The following CDH13 variants were observed in gnomAD, a reference collection of about 807,000 sequenced individuals.
The protein encoded by CDH13 is cadherin 13.
In CDH13, 24 loss-of-function variants were observed where a neutral mutation model predicts 63.8. The observed-to-expected ratio is 0.38, with a 90% CI of 0.27 to 0.53. The LOEUF (loss-of-function observed/expected upper bound fraction) is 0.53, where lower values mean the gene tolerates loss of function less well. Among genes scored for constraint, CDH13 ranks in the 20% least tolerant of loss-of-function variants. CDH13 has a pLI of 0.85. For synonymous variants in CDH13, 503 were observed against 355.3 expected (o/e 1.42, Z -4.67); for missense variants, 1,049 against 903.1 (o/e 1.16, Z -2.07).
intron 11 of CDH13, among the ~76,000 whole-genome samples, chr16:83,769,851 A>T (rs770809275): frequency 3.9e-5 from 6 of 152,102 alleles, no homozygotes; most frequent in Non-Finnish European, 7.4e-5. Flanking sequence ...TTGCATTTCA[A>T]AAAGGGCTAG....
chr16:83,144,019 C>T (rs1444789663), intron 4 of CDH13, among the ~76,000 whole-genome samples: 2 of 151,968 alleles, frequency 1.3e-5, no homozygotes, highest in Non-Finnish European at 2.9e-5. Flanking sequence ...CACTGAAAAC[C>T]CCTGGGCCCT....
chr16:83,762,601 C>T (rs1914064955), intron 11 of CDH13, among the ~76,000 whole-genome samples: 1 of 152,140 alleles, frequency 6.6e-6, no homozygotes, highest in African/African-American at 2.4e-5. Context: ...AAAACTGTCA[C>T]AGGCGATTTC....
At position 83,780,085 on chromosome 16, in the gene CDH13, G is replaced by C; in HGVS notation, c.1799G>C (p.Ser600Thr). The change falls in exon 12 of 14, where the codon AGT (serine) becomes ACT (threonine). Residue 600 changes from serine (S) to threonine (T), a missense_variant. Coordinates refer to ENST00000567109, the MANE Select transcript of CDH13 (RefSeq NM_001257.5). ...GTCTGTGATGATGCCAAAAACCTCA[G>C]TGTAGTCATTTTGGGAGCATCAGAT... ...AEVCDDAKNL[S>T]VVILGASDKD... 6.2e-7 allele frequency: 1 copy of C among 1,613,834 alleles called. No homozygotes were observed. The highest frequency in any genetic ancestry group is 8.5e-7 in the Non-Finnish European group (1 of 1,179,808).
Position 83,110,233 on chromosome 16 carries a change from G to A in CDH13, c.367-15152G>A, listed in dbSNP as rs545206310. Among the ~76,000 whole-genome samples the A allele has an allele frequency of 2.6e-5, 4 of 152,306 alleles. No individual in the cohort carries two copies. The South Asian group carries it at 8.3e-4, about 32-fold the overall frequency. Reference sequence around the variant, plus strand: ...CAGAAACTTGCAGATCTCACGTTCTGATCACTCCATCAACTGCTGCTTCTT... The same window carrying A: ...CAGAAACTTGCAGATCTCACGTTCTAATCACTCCATCAACTGCTGCTTCTT... On this transcript the variant is annotated intron_variant, in intron 3 of 13. Transcript: ENST00000567109.
chr16:82,853,296 A>C (rs2039567891), intron 1 of CDH13, among the ~76,000 whole-genome samples: 1 of 152,192 alleles, frequency 6.6e-6, no homozygotes, highest in African/African-American at 2.4e-5. Context: ...CAGTCTATTC[A>C]CTGAACAGTT....
chr16:83,287,366 C>T (rs1027248596), intron 5 of CDH13, among the ~76,000 whole-genome samples: 2 of 152,298 alleles, frequency 1.3e-5, no homozygotes, highest in South Asian at 4.2e-4. Context: ...AACCTGGCTG[C>T]CCAGCAGGAG....
At chr16:83,652,050 G>A (rs980045820) in intron 8 of CDH13, among the ~76,000 whole-genome samples, 3 of 152,274 alleles carry the variant, frequency 2.0e-5, no homozygotes, top group East Asian at 1.9e-4. Context: ...CCAAGGGAAC[G>A]ATTCTCATCC....
At chr16:83,784,177 C>T (rs569109644) in intron 13 of CDH13, among the ~76,000 whole-genome samples, 3 of 152,204 alleles carry the variant, frequency 2.0e-5, no homozygotes, top group Non-Finnish European at 4.4e-5. Context: ...GAGAACGTAT[C>T]GGTGTAATTG....
At chr16:82,952,513 CAGTGCTTGTTGCTTTT>C in intron 2 of CDH13, among the ~76,000 whole-genome samples, 1 of 152,178 alleles carries the variant, frequency 6.6e-6, no homozygotes. Context: ...ATAGGAGAAA[CAGTGCTTGTTGCTTTT>C]CAAAAAGCAG....
chr16:82,759,768 T>A (rs1018418357), intron 1 of CDH13, among the ~76,000 whole-genome samples: 37 of 152,052 alleles, frequency 2.4e-4, no homozygotes, highest in Non-Finnish European at 5.9e-5. Context: ...AGGTTCTGCC[T>A]CTTGACTCAC....
At chr16:82,815,155 G>C (rs1371296994) in intron 1 of CDH13, among the ~76,000 whole-genome samples, 1 of 152,132 alleles carries the variant, frequency 6.6e-6, no homozygotes, top group Non-Finnish European at 1.5e-5. Context: ...TACTTAGAAA[G>C]TACTGCATGG....
At chr16:82,642,047 CT>C (rs1007616466) in intron 1 of CDH13, among the ~76,000 whole-genome samples, 18 of 145,888 alleles carry the variant, frequency 1.2e-4, no homozygotes, top group Non-Finnish European at 2.2e-4. Context: ...TATGACACCC[CT>C]ATGCGGTTTA....
At chr16:83,728,159 A>G (rs1405429777) in intron 10 of CDH13, among the ~76,000 whole-genome samples, 1 of 152,158 alleles carries the variant, frequency 6.6e-6, no homozygotes, top group East Asian at 1.9e-4. Context: ...TCAGAGCCAC[A>G]CACCACGTCT....
At chr16:83,541,415 C>G (rs148332807) in intron 7 of CDH13, among the ~76,000 whole-genome samples, 1 of 152,326 alleles carries the variant, frequency 6.6e-6, no homozygotes, top group East Asian at 1.9e-4. Flanking sequence ...GCCTGACCAA[C>G]CTTACTCATC....
At position 83,238,439 on chromosome 16, in the gene CDH13, C is replaced by T. The variant is rs144456279; in HGVS notation, c.636+20942C>T. ...AAGACCCACCCCCATGATTCAATTACCTCCCACCAGGTCACTCCCATGACA... is the reference window on the plus strand; with the variant it reads ...AAGACCCACCCCCATGATTCAATTATCTCCCACCAGGTCACTCCCATGACA... On this transcript the variant is annotated intron_variant, in intron 5 of 13. Transcript: ENST00000567109. Among the ~76,000 whole-genome samples, 283 of 152,280 alleles carry T rather than the reference C, an allele frequency of 1.9e-3. 7 individuals carry two copies. The East Asian group carries it at 0.044, about 24-fold the overall frequency.
At chr16:82,698,868 C>T (rs115366085) in intron 1 of CDH13, among the ~76,000 whole-genome samples, 2 of 152,152 alleles carry the variant, frequency 1.3e-5, no homozygotes, top group Non-Finnish European at 2.9e-5. Flanking sequence ...TTTGGGGCCA[C>T]GTACAGGCCC....
At chr16:83,619,096 C>T (rs752262066) in intron 8 of CDH13, among the ~76,000 whole-genome samples, 26 of 152,314 alleles carry the variant, frequency 1.7e-4, no homozygotes, top group Admixed American at 3.3e-4. Context: ...GTGTATCACA[C>T]GTGATAACGT....
chr16:83,594,859 T>C (rs532694920), intron 7 of CDH13, among the ~76,000 whole-genome samples: 105 of 152,328 alleles, frequency 6.9e-4, no homozygotes, highest in African/African-American at 2.5e-3. Flanking sequence ...TTTAATGACA[T>C]GGCTTGATTC....
At chr16:83,474,697 C>T (rs1381186992) in intron 6 of CDH13, among the ~76,000 whole-genome samples, 1 of 152,100 alleles carries the variant, frequency 6.6e-6, no homozygotes, top group Non-Finnish European at 1.5e-5. Context: ...CTCTGGTGTC[C>T]AAAGCAAGGT....
Sources: gnomAD v4.1 joint callset for allele counts (sites outside exome capture counted in the v4.1 genomes callset) on GRCh38, gnomAD v4.1.1 for gene constraint, MANE v1.5 for transcripts, NCBI Gene and HGNC (gene_info 2026-07-23, HGNC 2026-07-21) for gene names.